MPDZ: variants seen among roughly 807,000 people sequenced by gnomAD.
MPDZ encodes the protein multiple PDZ domain protein.
A neutral mutation model predicts 239.1 loss-of-function variants in MPDZ; 234 were observed. The ratio of observed to expected loss-of-function variants is 0.98; its 90% CI spans 0.88 to 1.09. The LOEUF is 1.09. Ranked by LOEUF, MPDZ falls within the 50% of genes least tolerant of loss-of-function variation. The pLI is 0.00. For synonymous variants in MPDZ, 1,048 were observed against 881.3 expected, an observed-to-expected ratio of 1.19 and a Z score of -3.35; for missense variants, 3,175 against 2,510.0, an observed-to-expected ratio of 1.26 and a Z score of -5.66.
In MPDZ at chr9:13,107,125, A is replaced by C; in HGVS notation, c.6067-14T>G. The C allele has an allele frequency of 6.5e-7, 1 of 1,549,372 alleles. No homozygotes were observed. The highest frequency in any genetic ancestry group is 8.8e-7 in the Non-Finnish European group (1 of 1,137,140). On this transcript the variant is annotated splice_polypyrimidine_tract_variant and intron_variant, in intron 46 of 46. Coordinates refer to ENST00000319217, the MANE Select transcript of MPDZ (RefSeq NM_001378778.1). The stretch of plus-strand genomic sequence containing the variant: ...AGAGGCTGCTCCCTGCAAATTATAA[A>C]GTAGACTTGTTTATTTCTCAAAAAA...
chr9:13,113,322 G>C (rs1342030389), intron 41 of MPDZ, among the ~76,000 whole-genome samples: 4 of 151,970 alleles, frequency 2.6e-5, no homozygotes, highest in Non-Finnish European at 5.9e-5. Flanking sequence ...AATGAGTCAA[G>C]GGCAGAATGT....
At chr9:13,206,763 C>T (rs1957048542) in intron 10 of MPDZ, among the ~76,000 whole-genome samples, 1 of 151,908 alleles carries the variant, frequency 6.6e-6, no homozygotes, top group South Asian at 2.1e-4. Context: ...AGGATGGTCT[C>T]GATCTCTTGA....
intron 32 of MPDZ, among the ~76,000 whole-genome samples, chr9:13,132,586 T>C (rs578115895): frequency 1.6e-4 from 24 of 152,310 alleles, no homozygotes; most frequent in African/African-American, 4.8e-4. Context: ...GGCAACTCTA[T>C]ACCAGCTTAT....
intron 22 of MPDZ, 37 bp from the exon 23 acceptor site, chr9:13,162,832 T>A: frequency 7.0e-7 from 1 of 1,436,326 alleles, no homozygotes; most frequent in Non-Finnish European, 9.7e-7. Flanking sequence ...TGAAGGGAAA[T>A]AATATTTTGC....
At chr9:13,275,625 G>A (rs1334804183) in intron 1 of MPDZ, among the ~76,000 whole-genome samples, 1 of 152,156 alleles carries the variant, frequency 6.6e-6, no homozygotes. Context: ...GGCTACAAAC[G>A]TTTTAGGGTG....
chr9:13,136,584 C>G, intron 30 of MPDZ, 128 bp downstream of exon 30: 1 of 665,222 alleles, frequency 1.5e-6, no homozygotes, highest in Non-Finnish European at 2.6e-6. Flanking sequence ...CCTCAGCCTC[C>G]CAAAGTGCTG....
intron 9 of MPDZ, 115 bp downstream of exon 9, chr9:13,217,065 T>C (rs2136134610): frequency 2.3e-6 from 2 of 865,842 alleles, no homozygotes; most frequent in South Asian, 1.8e-5. Flanking sequence ...CTAAGGAAGT[T>C]TTCAACCAGT....
At chr9:13,114,117 T>C (rs1942971071) in intron 40 of MPDZ, 96 bp from the exon 41 acceptor site, 1 of 937,546 alleles carries the variant, frequency 1.1e-6, no homozygotes. Flanking sequence ...CAGATACCTG[T>C]TAAGCAACAG....
chr9:13,155,641 T>C (rs1444493830), intron 24 of MPDZ, among the ~76,000 whole-genome samples: 1 of 152,214 alleles, frequency 6.6e-6, no homozygotes, highest in Admixed American at 6.5e-5. Flanking sequence ...CAGCCCATTT[T>C]ATAATCTTAA....
intron 39 of MPDZ, 28 bp from the exon 40 acceptor site, chr9:13,115,362 T>G: frequency 6.4e-7 from 1 of 1,551,908 alleles, no homozygotes. Context: ...GGGTGTTTTA[T>G]GGAAATGTTT....
At chr9:13,126,964 A>C (rs1000651759) in intron 32 of MPDZ, among the ~76,000 whole-genome samples, 192 bp from the exon 33 acceptor site, 1 of 152,208 alleles carries the variant, frequency 6.6e-6, no homozygotes, top group Non-Finnish European at 1.5e-5. Flanking sequence ...AATGGGAATA[A>C]ATTTTCCTCC....
intron 17 of MPDZ, among the ~76,000 whole-genome samples, chr9:13,187,643 A>C (rs1036507239): frequency 3.3e-5 from 5 of 152,224 alleles, no homozygotes; most frequent in Non-Finnish European, 7.3e-5. Flanking sequence ...GTGGTGCACA[A>C]AACTTTGGCA....
Position 13,143,466 on chromosome 9 carries a change from C to T in MPDZ, c.3840G>A (p.Lys1280=), listed in dbSNP as rs1947996901. 4 of 1,609,802 alleles carry T rather than the reference C, an allele frequency of 2.5e-6. No individual in the cohort carries two copies. Among genetic ancestry groups the T allele is most frequent in the African/African-American group, 2.7e-5 (2 of 74,762 alleles). The stretch of plus-strand genomic sequence containing the variant: ...AGCAAGACAATGGGCATTATCCAAC[C>T]TTGTCGGCGTTGATTTGTAGAGAGT... ...FADSLQINAD[K]APSQSESEPE... Residue 1280 remains lysine, a splice_region_variant and synonymous_variant, in exon 27 of 47, where the codon AAG becomes AAA. Transcript: ENST00000319217.
At chr9:13,202,857 T>C (rs1956551312) in intron 12 of MPDZ, among the ~76,000 whole-genome samples, 1 of 152,198 alleles carries the variant, frequency 6.6e-6, no homozygotes, top group Admixed American at 6.5e-5. Flanking sequence ...TGCTTCTCTC[T>C]CTAGTTCTGG....
chr9:13,203,731 CACACA>C (rs1564021721), intron 12 of MPDZ, among the ~76,000 whole-genome samples: 773 of 2,744 alleles, frequency 0.28, 42 homozygotes, highest in Middle Eastern at 0.5. Context: ...TATCCTGCCA[CACACA>C]CACACACACA....
chr9:13,231,472 C>G (rs1391924615), intron 3 of MPDZ, among the ~76,000 whole-genome samples: 1 of 152,086 alleles, frequency 6.6e-6, no homozygotes, highest in Non-Finnish European at 1.5e-5. Context: ...GAGGTTGAAG[C>G]ACGAGAATCA....
intron 46 of MPDZ, among the ~76,000 whole-genome samples, chr9:13,108,200 T>C (rs540971770): frequency 2.0e-4 from 31 of 152,320 alleles, no homozygotes; most frequent in African/African-American, 7.0e-4. Context: ...TCTAAATTTT[T>C]CCCTGCAGAA....
chr9:13,252,467 G>C (rs1968309780), intron 1 of MPDZ, among the ~76,000 whole-genome samples: 1 of 151,158 alleles, frequency 6.6e-6, no homozygotes, highest in Non-Finnish European at 1.5e-5. Context: ...TCAGGAGTCT[G>C]AGACAGGAGA....
In MPDZ at chr9:13,176,308, T is replaced by A. The variant is rs896620716; in HGVS notation, c.2759A>T (p.Asp920Val). The A allele has an allele frequency of 6.2e-7, 1 of 1,610,068 alleles. No homozygotes were observed. Among genetic ancestry groups the A allele is most frequent in the African/African-American group, 1.3e-5 (1 of 74,884 alleles). ...QRQDENTPSVDISMGPASGFT... is the reference protein window; with the variant it reads ...QRQDENTPSVVISMGPASGFT... ...GCCAGAAGCAGGCCCCATACTTATG[T>A]CCACCGAAGGTGTATTCTCATCCTG... is the stretch of plus-strand genomic sequence containing the variant. Residue 920 changes from aspartate (D) to valine (V), a missense_variant, in exon 20 of 47, where the codon GAC becomes GTC. Coordinates refer to ENST00000319217, the MANE Select transcript of MPDZ (RefSeq NM_001378778.1).
Sources: gnomAD v4.1 joint callset for allele counts (sites outside exome capture counted in the v4.1 genomes callset) on GRCh38, gnomAD v4.1.1 for gene constraint, MANE v1.5 for transcripts, NCBI Gene and HGNC (gene_info 2026-07-23, HGNC 2026-07-21) for gene names.